Variants in CNTLN observed in about 807,000 individuals in gnomAD.
The protein encoded by CNTLN is centlein, centrosomal protein.
CNTLN carries 212 observed loss-of-function variants against 180.0 expected under a neutral mutation model. The observed-to-expected ratio is 1.18, with a 90% CI of 1.05 to 1.32. The LOEUF (loss-of-function observed/expected upper bound fraction) is 1.32. Ranked by LOEUF, CNTLN falls within the 40% of genes most tolerant of loss-of-function variation. The pLI is 0.00. For synonymous variants in CNTLN, 722 were observed against 563.1 expected, an observed-to-expected ratio of 1.28 and a Z score of -3.99; for missense variants, 2,095 against 1,610.9, an observed-to-expected ratio of 1.30 and a Z score of -5.14.
intron 15 of CNTLN, among the ~76,000 whole-genome samples, chr9:17,397,555 G>T (rs980759747): frequency 6.6e-6 from 1 of 152,148 alleles, no homozygotes; most frequent in African/African-American, 2.4e-5. Context: ...GTTTTCACCG[G>T]CTTCTTTACT....
the CNTLN span, among the ~76,000 whole-genome samples, chr9:17,512,738 T>A: frequency 6.6e-5 from 10 of 152,330 alleles, no homozygotes; most frequent in South Asian, 1.7e-3. Context: ...CAGAATCTGA[T>A]AAGATTAGTT....
At chr9:17,508,389 GT>G (rs970429469), downstream of CNTLN, among the ~76,000 whole-genome samples, 1 of 152,148 alleles carries the variant, frequency 6.6e-6, no homozygotes, top group African/African-American at 2.4e-5. Flanking sequence ...GATGGCATTG[GT>G]ACAATATTTT....
At chr9:17,495,872 A>T (rs1287393568) in intron 25 of CNTLN, among the ~76,000 whole-genome samples, 1 of 152,158 alleles carries the variant, frequency 6.6e-6, no homozygotes, top group Non-Finnish European at 1.5e-5. Flanking sequence ...TAGGTATACT[A>T]ATACTTATGA....
At chr9:17,229,634 A>G (rs1037913326) in intron 3 of CNTLN, among the ~76,000 whole-genome samples, 5 of 152,118 alleles carry the variant, frequency 3.3e-5, no homozygotes, top group Non-Finnish European at 5.9e-5. Context: ...GCCAGCCCAC[A>G]TTATGAAGGG....
intron 2 of CNTLN, among the ~76,000 whole-genome samples, chr9:17,187,997 C>CTA (rs1183008198): frequency 6.4e-5 from 8 of 124,632 alleles, no homozygotes; most frequent in South Asian, 5.4e-4. Context: ...TATATATACA[C>CTA]TATATATATA....
intron 18 of CNTLN, among the ~76,000 whole-genome samples, chr9:17,445,692 A>G (rs1196777414): frequency 2.0e-5 from 3 of 152,264 alleles, no homozygotes; most frequent in Admixed American, 1.3e-4. Flanking sequence ...AAAGCCAGGT[A>G]TTGTCCAAGG....
intron 15 of CNTLN, among the ~76,000 whole-genome samples, chr9:17,399,383 G>A (rs1826788694): frequency 6.6e-6 from 1 of 152,024 alleles, no homozygotes; most frequent in African/African-American, 2.4e-5. Context: ...TTAATTGCCT[G>A]GTCACATTTC....
At position 17,390,256 on chromosome 9, in the gene CNTLN, T is replaced by TTTC. The variant is rs35649274; in HGVS notation, c.2079+2003_2079+2004insTTC. ...GCCTCTTTTTTTTTTTTTTTTTTTT[T>TTTC]GGAGACAGAGTCTTGCTCTGTCACC... On this transcript the variant is annotated intron_variant, in intron 14 of 25. Transcript: ENST00000380647. 5.0e-4 allele frequency among the ~76,000 whole-genome samples: 73 copies of TTTC among 147,252 alleles called. 2 individuals carry two copies. The highest frequency in any genetic ancestry group is 1.7e-3 in the African/African-American group (68 of 39,526).
At chr9:17,225,252 A>G (rs1431729587) in intron 2 of CNTLN, among the ~76,000 whole-genome samples, 2 of 152,034 alleles carry the variant, frequency 1.3e-5, no homozygotes, top group South Asian at 2.1e-4. Flanking sequence ...CCACACAATG[A>G]GCCTGGTTGT....
intron 2 of CNTLN, among the ~76,000 whole-genome samples, chr9:17,209,938 A>G (rs774014519): frequency 2.0e-5 from 3 of 152,202 alleles, no homozygotes; most frequent in African/African-American, 7.2e-5. Flanking sequence ...ATCTTTATGG[A>G]TGGAGAAACC....
intron 14 of CNTLN, among the ~76,000 whole-genome samples, chr9:17,393,563 CT>C (rs1564064960): frequency 6.6e-6 from 1 of 152,120 alleles, no homozygotes; most frequent in African/African-American, 2.4e-5. Flanking sequence ...AAGTTTACCT[CT>C]GTGAAATTTA....
the CNTLN span, among the ~76,000 whole-genome samples, chr9:17,514,153 T>TAAAA: frequency 1.4e-5 from 2 of 145,806 alleles, no homozygotes; most frequent in Non-Finnish European, 1.5e-5. Flanking sequence ...GCAAATAGGT[T>TAAAA]AAAAAAAAAA....
intron 12 of CNTLN, among the ~76,000 whole-genome samples, chr9:17,344,658 A>G (rs1821736709): frequency 6.6e-6 from 1 of 152,162 alleles, no homozygotes; most frequent in East Asian, 1.9e-4. Context: ...AATGTTAAAA[A>G]CTAATGTCCA....
At position 17,179,051 on chromosome 9, in the gene CNTLN, C is replaced by T. The variant is rs960407991; in HGVS notation, c.449+35675C>T. ...CGAGGTCAGGAGATCGAGACCATCCCGGCTAAAACGGTGAAACCCCGTCTC... is the reference window on the plus strand; with the variant it reads ...CGAGGTCAGGAGATCGAGACCATCCTGGCTAAAACGGTGAAACCCCGTCTC... On this transcript the variant is annotated intron_variant, in intron 2 of 25. Transcript: ENST00000380647. Among the ~76,000 whole-genome samples, 371 of 146,274 alleles carry T rather than the reference C, an allele frequency of 2.5e-3. 11 individuals are homozygous for T. The highest frequency in any genetic ancestry group is 8.9e-3 in the African/African-American group (335 of 37,436).
intron 2 of CNTLN, among the ~76,000 whole-genome samples, chr9:17,197,788 T>C (rs1241104873): frequency 1.3e-5 from 2 of 152,232 alleles, no homozygotes; most frequent in Non-Finnish European, 2.9e-5. Flanking sequence ...GCTTATCGAG[T>C]ATTACTCAAG....
At chr9:17,160,315 C>CT (rs1376098338) in intron 2 of CNTLN, among the ~76,000 whole-genome samples, 2 of 152,096 alleles carry the variant, frequency 1.3e-5, no homozygotes, top group Non-Finnish European at 1.5e-5. Context: ...CGTGCCATGT[C>CT]TAATTCATGT....
intron 2 of CNTLN, among the ~76,000 whole-genome samples, chr9:17,201,269 A>G (rs973516428): frequency 1.3e-5 from 2 of 152,184 alleles, no homozygotes; most frequent in East Asian, 3.8e-4. Context: ...ATTGATGTTC[A>G]TTAAGGACAT....
At chr9:17,323,262 G>T (rs1356059506) in intron 8 of CNTLN, among the ~76,000 whole-genome samples, 1 of 152,058 alleles carries the variant, frequency 6.6e-6, no homozygotes, top group Non-Finnish European at 1.5e-5. Flanking sequence ...CAACCCAAAG[G>T]TAGTCATACA....
At chr9:17,174,541 TA>T (rs1163496506) in intron 2 of CNTLN, among the ~76,000 whole-genome samples, 1 of 151,784 alleles carries the variant, frequency 6.6e-6, no homozygotes, top group Non-Finnish European at 1.5e-5. Context: ...ACCAAAAATA[TA>T]AAAATTAGCC....
Sources: allele counts gnomAD v4.1 joint callset (sites outside exome capture counted in the v4.1 genomes callset), GRCh38; gene constraint gnomAD v4.1.1; transcripts MANE v1.5; gene names NCBI Gene and HGNC (gene_info 2026-07-23, HGNC 2026-07-21).